The following HK1 variants were observed in gnomAD, a reference collection of about 807,000 sequenced individuals.
HK1 encodes the protein hexokinase-1.
In HK1, 28 loss-of-function variants were observed where a neutral mutation model predicts 91.6. That is an observed-to-expected ratio of 0.31 (90% confidence interval 0.23 to 0.42). The LOEUF (loss-of-function observed/expected upper bound fraction) is 0.42. Among genes scored for constraint, HK1 ranks in the 10% least tolerant of loss-of-function variants. The pLI is 1.00. For synonymous variants in HK1, 430 were observed against 468.1 expected (o/e 0.92, Z 1.05); for missense variants, 770 against 1,219.8 (o/e 0.63, Z 5.49).
intron 5 of HK1, among the ~76,000 whole-genome samples, chr10:69,307,387 GC>G (rs1191811167): frequency 2.0e-5 from 3 of 152,146 alleles, no homozygotes; most frequent in African/African-American, 7.2e-5. Context: ...AAGGAACTCT[GC>G]AGGGCCCAGA....
chr10:69,378,622 G>A (rs1001231725), intron 8 of HK1, among the ~76,000 whole-genome samples: 1 of 152,166 alleles, frequency 6.6e-6, no homozygotes, highest in African/African-American at 2.4e-5. Flanking sequence ...GTTTCACCTT[G>A]TTGGCCAGGC....
At chr10:69,341,092 C>G (rs1231398765) in intron 1 of HK1, among the ~76,000 whole-genome samples, 1 of 152,088 alleles carries the variant, frequency 6.6e-6, no homozygotes, top group Non-Finnish European at 1.5e-5. Flanking sequence ...TAGGGCATGG[C>G]TTGTCTCTCC....
At chr10:69,384,502 T>C (rs545038089) in intron 11 of HK1, 21 bp downstream of exon 11, 3 of 1,614,138 alleles carry the variant, frequency 1.9e-6, no homozygotes, top group South Asian at 2.2e-5. Flanking sequence ...AAAACCATAG[T>C]GCATGTGCAC....
chr10:69,312,685 C>T (rs192807443), upstream of HK1, among the ~76,000 whole-genome samples: 6 of 152,192 alleles, frequency 3.9e-5, no homozygotes, highest in East Asian at 5.8e-4. Flanking sequence ...TGAATAAGCC[C>T]GAGAGACAGA....
At chr10:69,377,145 G>T in intron 8 of HK1, 56 bp downstream of exon 8, 1 of 1,602,432 alleles carries the variant, frequency 6.2e-7, no homozygotes, top group Non-Finnish European at 8.5e-7. Flanking sequence ...AAGAGCAATT[G>T]GTCCCTTGTT....
At chr10:69,310,806 C>T (rs1846335662), upstream of HK1, among the ~76,000 whole-genome samples, 1 of 152,182 alleles carries the variant, frequency 6.6e-6, no homozygotes, top group East Asian at 1.9e-4. Context: ...CCTGTAATCT[C>T]AGCACTTTGG....
At chr10:69,272,758 G>C (rs1293213080) in intron 1 of HK1, among the ~76,000 whole-genome samples, 2 of 150,710 alleles carry the variant, frequency 1.3e-5, no homozygotes, top group African/African-American at 4.9e-5. Flanking sequence ...TTTTGTTTTA[G>C]TGCATGTGTT....
In HK1 at chr10:69,384,813, C is replaced by G. The variant is rs777974873; in HGVS notation, c.1737C>G (p.Val579=). The G allele has an allele frequency of 6.2e-7, 1 of 1,614,098 alleles. No individual in the cohort carries two copies. Among genetic ancestry groups the G allele is most frequent in the Non-Finnish European group, 8.5e-7 (1 of 1,180,038 alleles). The part of the protein sequence containing the change: ...GTGEELFDHI[V]SCISDFLDYM... ...CCCTGCAGCTGTTTGATCACATTGT[C>G]TCCTGCATCTCTGACTTCTTGGACT... is the stretch of plus-strand genomic sequence containing the variant. The change falls in exon 12 of 18, where the codon GTC becomes GTG. Residue 579 remains valine (V), a synonymous_variant. Transcript: ENST00000359426.
rs957634950 is a variant in HK1 at position 69,362,262 on chromosome 10, A to G, written c.375+2217A>G. On this transcript the variant is annotated intron_variant, in intron 3 of 17. Coordinates refer to ENST00000359426, the MANE Select transcript of HK1 (RefSeq NM_000188.3). ...AAATTATTAAAAAAATTTTTTTTTA[A>G]AGATGGGATCTTGCCAGGTTGCCCA... Among the ~76,000 whole-genome samples the G allele has an allele frequency of 2.0e-5, 3 of 152,036 alleles. No individual in the cohort carries two copies. In the East Asian group the frequency reaches 5.8e-4, roughly 29 times the overall value.
chr10:69,276,120 TAC>T (rs59129603), intron 1 of HK1, among the ~76,000 whole-genome samples: 4,901 of 37,404 alleles, frequency 0.13, 591 homozygotes, highest in East Asian at 0.38. Context: ...AAAAAAAAAA[TAC>T]ATATATATAT....
At chr10:69,360,226 C>T (rs920619128) in intron 3 of HK1, among the ~76,000 whole-genome samples, 181 bp downstream of exon 3, 3 of 152,310 alleles carry the variant, frequency 2.0e-5, no homozygotes, top group Non-Finnish European at 2.9e-5. Context: ...TGCATGGGGG[C>T]CCTGCTTAAA....
chr10:69,329,352 G>A (rs1373746459), intron 1 of HK1, among the ~76,000 whole-genome samples: 5 of 151,940 alleles, frequency 3.3e-5, no homozygotes, highest in South Asian at 4.2e-4. Flanking sequence ...CAGTAGAGAC[G>A]GAGTTTCACC....
chr10:69,398,026 T>G (rs1330944785), intron 16 of HK1, among the ~76,000 whole-genome samples: 2 of 152,270 alleles, frequency 1.3e-5, no homozygotes, highest in African/African-American at 4.8e-5. Context: ...TCTGGCAATG[T>G]GTAGCAAAAG....
rs992219919 is a variant in HK1 at position 69,386,701 on chromosome 10, C to T, written c.1935+283C>T. 2.1e-4 allele frequency: 73 copies of T among 355,794 alleles called. 1 individual carries two copies. The highest frequency in any genetic ancestry group is 9.3e-4 in the South Asian group (42 of 45,168). 22.0% of individuals were successfully genotyped at this position (355,794 alleles called of 1,614,324 possible). A position where few individuals can be genotyped will look rare whatever the true frequency, so the allele number is the denominator to read the frequency against. ...GGAGACTGAGGCAGAAGAATCGCTT[C>T]AACCCAGGAGGAGGTTGCAGTGAGC... On this transcript the variant is annotated intron_variant, in intron 13 of 17. Transcript: ENST00000359426.
chr10:69,319,646 T>C (rs1045660783), intron 1 of HK1, among the ~76,000 whole-genome samples: 5 of 152,386 alleles, frequency 3.3e-5, no homozygotes, highest in Admixed American at 6.5e-5. Flanking sequence ...TTTATTCCTC[T>C]TAAGCTGTAA....
intron 9 of HK1, among the ~76,000 whole-genome samples, chr10:69,382,072 G>C (rs1487632934): frequency 6.6e-6 from 1 of 152,174 alleles, no homozygotes; most frequent in Non-Finnish European, 1.5e-5. Context: ...TATATGATTT[G>C]TGTAATGAAA....
chr10:69,292,713 C>A (rs10762276), intron 3 of HK1, among the ~76,000 whole-genome samples: 7 of 152,170 alleles, frequency 4.6e-5, no homozygotes, highest in African/African-American at 1.4e-4. Context: ...CCTCAGTATT[C>A]GTATTCGTAT....
chr10:69,285,062 G>C (rs920550165), intron 2 of HK1, among the ~76,000 whole-genome samples: 8 of 151,966 alleles, frequency 5.3e-5, no homozygotes, highest in Admixed American at 4.6e-4. Context: ...CAGGTGTTCT[G>C]CCCACCTTGG....
At chr10:69,361,064 G>A (rs11597225) in intron 3 of HK1, among the ~76,000 whole-genome samples, 4,894 of 152,278 alleles carry the variant, frequency 0.032, 128 homozygotes, top group African/African-American at 0.064. Flanking sequence ...GTGCTCTTAA[G>A]TTCTTGTGGG....
Sources: allele counts gnomAD v4.1 joint callset (sites outside exome capture counted in the v4.1 genomes callset), GRCh38; gene constraint gnomAD v4.1.1; transcripts MANE v1.5; gene names NCBI Gene and HGNC (gene_info 2026-07-23, HGNC 2026-07-21).